Variants in SMAD9 observed in about 807,000 individuals in gnomAD.
The protein encoded by SMAD9 is SMAD family member 9, also known as MAD homolog 9.
In SMAD9, 36 loss-of-function variants were observed where a neutral mutation model predicts 46.1. The observed-to-expected ratio is 0.78, with a 90% CI of 0.60 to 1.03. The LOEUF is 1.03. Ranked by LOEUF, SMAD9 falls within the 50% of genes least tolerant of loss-of-function variation. The pLI, the probability that SMAD9 is intolerant of heterozygous loss-of-function variation, is 0.00. For missense variants in SMAD9, 572 were observed against 599.8 expected (o/e 0.95, Z 0.48); for synonymous variants, 245 against 237.1 (o/e 1.03, Z -0.31).
chr13:36,881,011 A>G (rs911999563), intron 1 of SMAD9, among the ~76,000 whole-genome samples: 1 of 152,188 alleles, frequency 6.6e-6, no homozygotes, highest in African/African-American at 2.4e-5. Flanking sequence ...ATGCATGAGA[A>G]CTGCTTTTCT....
At chr13:36,892,804 T>C (rs1048709464) in intron 1 of SMAD9, among the ~76,000 whole-genome samples, 2 of 152,262 alleles carry the variant, frequency 1.3e-5, no homozygotes, top group South Asian at 2.1e-4. Flanking sequence ...GAAGTACTTT[T>C]AAGAAGAGAA....
intron 3 of SMAD9, among the ~76,000 whole-genome samples, chr13:36,871,850 T>C (rs977361803): frequency 6.6e-6 from 1 of 152,204 alleles, no homozygotes; most frequent in African/African-American, 2.4e-5. Context: ...TGCTTGCATA[T>C]AGTAAGAGTT....
At chr13:36,857,651 G>C (rs2058139617) in intron 5 of SMAD9, among the ~76,000 whole-genome samples, 1 of 152,138 alleles carries the variant, frequency 6.6e-6, no homozygotes. Context: ...AGGGCAGGTT[G>C]GGCAGGCTGG....
Position 36,872,766 on chromosome 13 carries a change from C to T in SMAD9, c.562G>A (p.Ala188Thr). The change falls in exon 3 of 7, where the codon GCA becomes ACA. Residue 188 changes from alanine (A) to threonine (T), a missense_variant. Transcript: ENST00000379826. Reference sequence around the variant, plus strand: ...GCGTGGCTGGGTGAGGGAGGGAGTGCAGAGCACGGAGGCTGCTGGAAAGAG... The same window carrying T: ...GCGTGGCTGGGTGAGGGAGGGAGTGTAGAGCACGGAGGCTGCTGGAAAGAG... The part of the protein sequence containing the change: ...PDSFQQPPCS[A>T]LPPSPSHAFS... The T allele has an allele frequency of 6.2e-7, 1 of 1,613,988 alleles. No homozygotes were observed. Among genetic ancestry groups the T allele is most frequent in the Non-Finnish European group, 8.5e-7 (1 of 1,179,994 alleles).
intron 1 of SMAD9, among the ~76,000 whole-genome samples, chr13:36,913,449 C>T (rs2058676338): frequency 6.6e-6 from 1 of 152,038 alleles, no homozygotes; most frequent in Non-Finnish European, 1.5e-5. Flanking sequence ...TTTACAAGTT[C>T]CACCTTCTAA....
At chr13:36,863,392 C>T (rs953505309) in intron 5 of SMAD9, among the ~76,000 whole-genome samples, 4 of 152,162 alleles carry the variant, frequency 2.6e-5, no homozygotes, top group African/African-American at 9.7e-5. Context: ...ACCCTTGCAT[C>T]GAGGGGAGCA....
intron 4 of SMAD9, among the ~76,000 whole-genome samples, chr13:36,866,991 A>C (rs761478858): frequency 1.3e-5 from 2 of 152,254 alleles, no homozygotes; most frequent in African/African-American, 4.8e-5. Flanking sequence ...TAACTTCTTG[A>C]GTTCCCAACT....
At chr13:36,865,863 G>A (rs2058228981) in intron 4 of SMAD9, 105 bp from the exon 5 acceptor site, 1 of 937,482 alleles carries the variant, frequency 1.1e-6, no homozygotes, top group Non-Finnish European at 1.7e-6. Flanking sequence ...CAGAAAGTCG[G>A]CTGCAAGACC....
At chr13:36,903,680 T>C (rs1345472811) in intron 1 of SMAD9, among the ~76,000 whole-genome samples, 1 of 152,204 alleles carries the variant, frequency 6.6e-6, no homozygotes, top group Non-Finnish European at 1.5e-5. Context: ...TGTATACAAG[T>C]AATTCTTCTA....
At chr13:36,875,626 G>A (rs962279475) in intron 2 of SMAD9, among the ~76,000 whole-genome samples, 2 of 152,160 alleles carry the variant, frequency 1.3e-5, no homozygotes, top group South Asian at 2.1e-4. Flanking sequence ...TTGACACAGC[G>A]AATGTGTATG....
intron 1 of SMAD9, among the ~76,000 whole-genome samples, chr13:36,903,119 T>G (rs866074444): frequency 1.4e-5 from 2 of 142,136 alleles, no homozygotes; most frequent in South Asian, 2.3e-4. Context: ...TCTTTTTTTT[T>G]CTTTTGGTTT....
Position 36,920,113 on chromosome 13 carries a change from C to G in SMAD9, c.-187+3G>C, listed in dbSNP as rs2058732147. 6.7e-6 allele frequency: 1 copy of G among 150,018 alleles called. No individual in the cohort carries two copies. The highest frequency in any genetic ancestry group is 2.4e-5 in the African/African-American group (1 of 41,052). The allele number at this position is 150,018 out of a possible 1,614,324, so 9.3% of individuals were successfully genotyped here. ...CCGCCCGCTCCGAGCGCCGCGCACT[C>G]ACTGCCTGGCTGCGCGCGCCCAGCG... On this transcript the variant is annotated splice_donor_region_variant and intron_variant, in intron 1 of 6. Coordinates refer to ENST00000379826, the MANE Select transcript of SMAD9 (RefSeq NM_001127217.3).
chr13:36,888,776 A>G (rs938082912), intron 1 of SMAD9, among the ~76,000 whole-genome samples: 1 of 152,218 alleles, frequency 6.6e-6, no homozygotes, highest in African/African-American at 2.4e-5. Context: ...ACATTCTGAA[A>G]TGGGAATACA....
At chr13:36,892,475 T>C (rs1036059966) in intron 1 of SMAD9, among the ~76,000 whole-genome samples, 2 of 152,220 alleles carry the variant, frequency 1.3e-5, no homozygotes, top group Non-Finnish European at 2.9e-5. Context: ...TCTTCCTGTG[T>C]CGCTTCAGAT....
At chr13:36,896,298 A>G (rs2058528244) in intron 1 of SMAD9, among the ~76,000 whole-genome samples, 1 of 151,660 alleles carries the variant, frequency 6.6e-6, no homozygotes, top group African/African-American at 2.4e-5. Context: ...ATGCCCAGCT[A>G]ATTTTTGGAT....
chr13:36,877,187 C>G (rs1055261168), intron 2 of SMAD9, among the ~76,000 whole-genome samples: 4 of 152,004 alleles, frequency 2.6e-5, no homozygotes, highest in Non-Finnish European at 5.9e-5. Flanking sequence ...CATGGTGAAA[C>G]CCCGTCTCTA....
At chr13:36,867,501 G>A (rs2058246949) in intron 3 of SMAD9, 118 bp from the exon 4 acceptor site, 1 of 611,060 alleles carries the variant, frequency 1.6e-6, no homozygotes, top group Non-Finnish European at 2.9e-6. Flanking sequence ...TACTCCTACA[G>A]AGAGACCATA....
At chr13:36,917,551 G>A (rs1446411872) in intron 1 of SMAD9, among the ~76,000 whole-genome samples, 2 of 151,734 alleles carry the variant, frequency 1.3e-5, no homozygotes, top group Non-Finnish European at 2.9e-5. Context: ...ACAGTTTCCC[G>A]TTTCTTTAAC....
chr13:36,882,691 A>C (rs2058414437), intron 1 of SMAD9, among the ~76,000 whole-genome samples: 1 of 152,224 alleles, frequency 6.6e-6, no homozygotes, highest in Non-Finnish European at 1.5e-5. Context: ...GTAGGCTAGA[A>C]ATAGATCGAA....
Sources: allele counts gnomAD v4.1 joint callset (sites outside exome capture counted in the v4.1 genomes callset), GRCh38; gene constraint gnomAD v4.1.1; transcripts MANE v1.5; gene names NCBI Gene and HGNC (gene_info 2026-07-23, HGNC 2026-07-21).